HS3ST4: variants seen among roughly 807,000 people sequenced by gnomAD.
The protein encoded by HS3ST4 is heparan sulfate-glucosamine 3-sulfotransferase 4.
Under a neutral mutation model 29.2 loss-of-function variants are expected in HS3ST4, and 17 were observed. The observed-to-expected ratio is 0.58, with a 90% CI of 0.40 to 0.87. HS3ST4 has a LOEUF of 0.87. Ranked by LOEUF, HS3ST4 falls within the 40% of genes least tolerant of loss-of-function variation. HS3ST4 has a pLI of 0.00. For missense variants in HS3ST4, 627 were observed against 634.5 expected (o/e 0.99, Z 0.13); for synonymous variants, 314 against 285.7 (o/e 1.10, Z -1.00).
chr16:25,884,118 A>G (rs1368288171), intron 1 of HS3ST4, among the ~76,000 whole-genome samples: 2 of 145,778 alleles, frequency 1.4e-5, no homozygotes, highest in African/African-American at 5.1e-5. Context: ...TGTCTCAAAG[A>G]AAAAAAAAAA....
At chr16:25,932,404 T>C (rs955906633) in intron 1 of HS3ST4, among the ~76,000 whole-genome samples, 1 of 152,194 alleles carries the variant, frequency 6.6e-6, no homozygotes, top group Admixed American at 6.5e-5. Flanking sequence ...CATGAAGCAG[T>C]TTGCTACTTA....
At chr16:25,906,499 A>G (rs997341401) in intron 1 of HS3ST4, among the ~76,000 whole-genome samples, 1 of 152,164 alleles carries the variant, frequency 6.6e-6, no homozygotes, top group Non-Finnish European at 1.5e-5. Flanking sequence ...AGCAGTAACC[A>G]TGAGAAAGTC....
intron 1 of HS3ST4, among the ~76,000 whole-genome samples, chr16:25,860,016 G>A (rs1009855275): frequency 6.6e-6 from 1 of 152,180 alleles, no homozygotes; most frequent in Non-Finnish European, 1.5e-5. Context: ...TGTGTGAACT[G>A]TGCATGCGAG....
At chr16:25,994,181 AC>A (rs1159321957) in intron 1 of HS3ST4, among the ~76,000 whole-genome samples, 1 of 152,120 alleles carries the variant, frequency 6.6e-6, no homozygotes, top group Non-Finnish European at 1.5e-5. Context: ...TCATGGGGAG[AC>A]AGGCACAAAT....
rs1181094589 is a variant in HS3ST4 at position 25,701,969 on chromosome 16, C to T, written c.734+8818C>T. Among the ~76,000 whole-genome samples the T allele has an allele frequency of 2.0e-5, 3 of 152,140 alleles. No individual in the cohort carries two copies. The South Asian group carries it at 6.2e-4, about 32-fold the overall frequency. On this transcript the variant is annotated intron_variant, in intron 1 of 1. Transcript: ENST00000331351. ...AAAGATATCTTATAAAAAGAAATAT[C>T]TATTTCTGATTTTCAGAACAACCTG...
chr16:26,031,291 G>C (rs1313779311), intron 1 of HS3ST4, among the ~76,000 whole-genome samples: 1 of 152,160 alleles, frequency 6.6e-6, no homozygotes, highest in Non-Finnish European at 1.5e-5. Flanking sequence ...ACCAGAGAAA[G>C]AGATGGATAC....
chr16:25,739,099 T>C (rs191804316), intron 1 of HS3ST4, among the ~76,000 whole-genome samples: 85 of 152,266 alleles, frequency 5.6e-4, no homozygotes, highest in Admixed American at 5.5e-3. Context: ...CCCAGCACTT[T>C]GGGAGGCTGA....
intron 1 of HS3ST4, among the ~76,000 whole-genome samples, chr16:25,909,344 G>A (rs971996325): frequency 3.9e-5 from 6 of 151,982 alleles, no homozygotes; most frequent in African/African-American, 7.2e-5. Flanking sequence ...ATGCACTACC[G>A]CACCCAGCTA....
chr16:26,056,570 A>T (rs561873297), intron 1 of HS3ST4, among the ~76,000 whole-genome samples: 1 of 152,296 alleles, frequency 6.6e-6, no homozygotes, highest in African/African-American at 2.4e-5. Flanking sequence ...TCTTCCCTCT[A>T]GTGTGAGGTG....
At chr16:25,899,456 T>G (rs1172850588) in intron 1 of HS3ST4, among the ~76,000 whole-genome samples, 1 of 152,238 alleles carries the variant, frequency 6.6e-6, no homozygotes, top group African/African-American at 2.4e-5. Context: ...GACCCAGTTC[T>G]GTCCAGTGCA....
rs576921451 is a variant in HS3ST4 at position 25,864,566 on chromosome 16, C to T, written c.734+171415C>T. Among the ~76,000 whole-genome samples, 24 of 152,194 alleles carry T rather than the reference C, an allele frequency of 1.6e-4. No individual in the cohort carries two copies. In the East Asian group the frequency reaches 4.6e-3, roughly 29 times the overall value. On this transcript the variant is annotated intron_variant, in intron 1 of 1. Transcript: ENST00000331351. Reference sequence around the variant, plus strand: ...CTCATTCCCCCTCCCACTCCCTTTCCCCTGGGAACTGCCACTCTACTCTCC... The same window carrying T: ...CTCATTCCCCCTCCCACTCCCTTTCTCCTGGGAACTGCCACTCTACTCTCC...
intron 1 of HS3ST4, among the ~76,000 whole-genome samples, chr16:25,794,198 C>G (rs1966876614): frequency 6.6e-6 from 1 of 152,084 alleles, no homozygotes; most frequent in Non-Finnish European, 1.5e-5. Context: ...ACTTCTCTCT[C>G]TTCTAGGCTT....
At chr16:25,821,231 GTAT>G (rs752883390) in intron 1 of HS3ST4, among the ~76,000 whole-genome samples, 49 of 151,768 alleles carry the variant, frequency 3.2e-4, no homozygotes, top group Middle Eastern at 3.4e-3. Flanking sequence ...CTAATTTTTT[GTAT>G]TTTTAGTAGA....
chr16:25,808,099 G>A (rs967749129), intron 1 of HS3ST4, among the ~76,000 whole-genome samples: 2 of 151,872 alleles, frequency 1.3e-5, no homozygotes, highest in African/African-American at 4.8e-5. Flanking sequence ...GCTCTTATTA[G>A]GATCTCTCAC....
intron 1 of HS3ST4, among the ~76,000 whole-genome samples, chr16:26,021,282 GA>G (rs1969411574): frequency 1.3e-5 from 2 of 152,096 alleles, no homozygotes; most frequent in African/African-American, 4.8e-5. Context: ...ATCTTCCTTC[GA>G]AAAGTTAAAA....
chr16:25,803,110 T>TAG (rs943386164), intron 1 of HS3ST4, among the ~76,000 whole-genome samples: 48 of 151,966 alleles, frequency 3.2e-4, no homozygotes, highest in African/African-American at 9.6e-4. Context: ...TATATATATG[T>TAG]AGAGAGAGAG....
At chr16:26,114,007 C>A (rs973899077) in intron 1 of HS3ST4, among the ~76,000 whole-genome samples, 1 of 152,136 alleles carries the variant, frequency 6.6e-6, no homozygotes, top group African/African-American at 2.4e-5. Context: ...TTGGGTTGGG[C>A]ATGCTGTGAA....
chr16:25,756,362 T>G (rs1966758882), intron 1 of HS3ST4, among the ~76,000 whole-genome samples: 1 of 152,034 alleles, frequency 6.6e-6, no homozygotes, highest in African/African-American at 2.4e-5. Context: ...TGATGATGAT[T>G]TTGCGGTGGG....
intron 1 of HS3ST4, among the ~76,000 whole-genome samples, chr16:25,924,166 TGTTCA>T (rs1270922940): frequency 4.6e-5 from 7 of 152,220 alleles, no homozygotes; most frequent in Admixed American, 3.9e-4. Flanking sequence ...GCCGTTTAGT[TGTTCA>T]GTCCAAATTC....
Sources: gnomAD v4.1 joint callset for allele counts (sites outside exome capture counted in the v4.1 genomes callset) on GRCh38, gnomAD v4.1.1 for gene constraint, MANE v1.5 for transcripts, NCBI Gene and HGNC (gene_info 2026-07-23, HGNC 2026-07-21) for gene names.